Variants in EXT1 observed in about 807,000 individuals in gnomAD.
The protein encoded by EXT1 is exostosin-1.
In EXT1, 20 loss-of-function variants were observed where a neutral mutation model predicts 82.5. The observed-to-expected ratio is 0.24, with a 90% CI of 0.17 to 0.35. The LOEUF (loss-of-function observed/expected upper bound fraction) is 0.35. Ranked by LOEUF, EXT1 falls within the 10% of genes least tolerant of loss-of-function variation. EXT1 has a pLI of 1.00. For synonymous variants in EXT1, 348 were observed against 350.8 expected, an observed-to-expected ratio of 0.99 and a Z score of 0.09; for missense variants, 757 against 936.5, an observed-to-expected ratio of 0.81 and a Z score of 2.50.
rs1321480660 is a variant in EXT1 at position 117,837,294 on chromosome 8, G to A, written c.963-93C>T. 4.8e-6 allele frequency: 5 copies of A among 1,032,970 alleles called. No homozygotes were observed. The South Asian group carries it at 5.1e-5, about 10-fold the overall frequency. 64.0% of individuals were successfully genotyped at this position (1,032,970 alleles called of 1,614,324 possible). ...TGGGCGCCCATGTGCATGAATTTAC[G>A]CAAAGCAACTCGGGAAAGCCACCAG... On this transcript the variant is annotated intron_variant, in intron 1 of 10. Coordinates refer to ENST00000378204, the MANE Select transcript of EXT1 (RefSeq NM_000127.3).
chr8:117,983,164 A>G (rs1815243306), intron 1 of EXT1, among the ~76,000 whole-genome samples: 1 of 152,180 alleles, frequency 6.6e-6, no homozygotes. Flanking sequence ...AGAAGGAGTC[A>G]TGAATAACAG....
chr8:118,001,323 T>C (rs923723364), intron 1 of EXT1, among the ~76,000 whole-genome samples: 3 of 152,104 alleles, frequency 2.0e-5, no homozygotes, highest in Non-Finnish European at 4.4e-5. Flanking sequence ...TGCAGCTGGT[T>C]ACAGGCGTGT....
At chr8:117,802,201 A>G (rs907247470) in intron 10 of EXT1, among the ~76,000 whole-genome samples, 52 of 152,316 alleles carry the variant, frequency 3.4e-4, no homozygotes, top group African/African-American at 1.2e-3. Flanking sequence ...ATTACTAGAA[A>G]TACTGTTTGG....
chr8:117,803,283 C>T (rs1350442430), intron 10 of EXT1, among the ~76,000 whole-genome samples: 1 of 152,050 alleles, frequency 6.6e-6, no homozygotes, highest in African/African-American at 2.4e-5. Context: ...CAACCTCTGC[C>T]TTCCAGTTTC....
chr8:118,024,024 C>T (rs1163939326), intron 1 of EXT1, among the ~76,000 whole-genome samples: 1 of 152,214 alleles, frequency 6.6e-6, no homozygotes, highest in Non-Finnish European at 1.5e-5. Context: ...GTGGACATTG[C>T]TCACTTTCTC....
At chr8:117,954,659 G>A (rs1163160245) in intron 1 of EXT1, among the ~76,000 whole-genome samples, 1 of 152,048 alleles carries the variant, frequency 6.6e-6, no homozygotes, top group African/African-American at 2.4e-5. Context: ...CCCCATTACG[G>A]TTCTGCAAAC....
chr8:117,979,459 A>G (rs1429121781), intron 1 of EXT1, among the ~76,000 whole-genome samples: 1 of 152,088 alleles, frequency 6.6e-6, no homozygotes, highest in African/African-American at 2.4e-5. Flanking sequence ...TATTTTAATG[A>G]TTGTTTGGCA....
At chr8:118,067,584 T>C (rs907684823) in intron 1 of EXT1, among the ~76,000 whole-genome samples, 1 of 152,220 alleles carries the variant, frequency 6.6e-6, no homozygotes, top group Non-Finnish European at 1.5e-5. Flanking sequence ...CACACCAACG[T>C]GAAGCGGTTT....
At chr8:117,833,026 C>T (rs747649309) in intron 3 of EXT1, among the ~76,000 whole-genome samples, 1 of 151,938 alleles carries the variant, frequency 6.6e-6, no homozygotes, top group Non-Finnish European at 1.5e-5. Context: ...AGAATATATG[C>T]AAATAAAAAC....
intron 1 of EXT1, among the ~76,000 whole-genome samples, chr8:118,104,599 G>C (rs1817776798): frequency 6.6e-6 from 1 of 152,180 alleles, no homozygotes; most frequent in South Asian, 2.1e-4. Flanking sequence ...GGCTGAGAAG[G>C]ACTTGGCCTA....
intron 1 of EXT1, among the ~76,000 whole-genome samples, chr8:117,979,245 T>C (rs1815132128): frequency 6.6e-6 from 1 of 151,912 alleles, no homozygotes; most frequent in African/African-American, 2.4e-5. Context: ...TCCCAGCTAC[T>C]CGGGAGGCTG....
intron 1 of EXT1, among the ~76,000 whole-genome samples, chr8:117,979,520 C>T (rs576720079): frequency 3.7e-4 from 55 of 150,084 alleles, no homozygotes; most frequent in African/African-American, 1.2e-3. Flanking sequence ...TAACTCAAAA[C>T]GAAACATCAA....
At chr8:117,930,554 G>A (rs1391547653) in intron 1 of EXT1, among the ~76,000 whole-genome samples, 1 of 152,314 alleles carries the variant, frequency 6.6e-6, no homozygotes, top group East Asian at 1.9e-4. Flanking sequence ...AGTGATGTGG[G>A]AGAGGAGAAG....
intron 1 of EXT1, among the ~76,000 whole-genome samples, chr8:118,028,209 G>A (rs912365140): frequency 6.6e-6 from 1 of 152,210 alleles, no homozygotes; most frequent in African/African-American, 2.4e-5. Flanking sequence ...TGCGGCAGCC[G>A]CTCTCTTCCC....
At chr8:117,842,287 C>T (rs17474720) in intron 1 of EXT1, among the ~76,000 whole-genome samples, 4 of 152,082 alleles carry the variant, frequency 2.6e-5, no homozygotes, top group African/African-American at 4.8e-5. Context: ...GGGGATAATA[C>T]TTATACTGTG....
At chr8:117,997,244 A>AATATATATATATATATATAT (rs1563624581) in intron 1 of EXT1, among the ~76,000 whole-genome samples, 11 of 128,764 alleles carry the variant, frequency 8.5e-5, no homozygotes, top group African/African-American at 3.9e-4. Context: ...TAGTTGTCAT[A>AATATATATATATATATATAT]CTATATATAT....
chr8:118,108,235 G>A (rs1375505320), intron 1 of EXT1, among the ~76,000 whole-genome samples: 1 of 152,104 alleles, frequency 6.6e-6, no homozygotes. Flanking sequence ...TTGGATTAAG[G>A]GTATTTTCCA....
chr8:117,942,890 C>T (rs781391480), intron 1 of EXT1, among the ~76,000 whole-genome samples: 5 of 152,186 alleles, frequency 3.3e-5, no homozygotes, highest in East Asian at 1.9e-4. Flanking sequence ...AGCCCTGACA[C>T]GTAGCAGTCA....
rs1427879295 is a variant in EXT1 at position 117,818,497 on chromosome 8, G to C, written c.1570C>G (p.Pro524Ala). ...GTGGCAGGCCAGCGGTGTTTGGCTGGTAGGGGCTTGTCACAATTCCATAGA... is the reference window on the plus strand; with the variant it reads ...GTGGCAGGCCAGCGGTGTTTGGCTGCTAGGGGCTTGTCACAATTCCATAGA... ...IVLWNCDKPL[P>A]AKHRWPATAV... The change falls in exon 7 of 11, where the codon CCA becomes GCA. Residue 524 changes from proline (P) to alanine (A), a missense_variant. Transcript: ENST00000378204. 2 of 1,613,982 alleles carry C rather than the reference G, an allele frequency of 1.2e-6. No homozygotes were observed. Among genetic ancestry groups the C allele is most frequent in the African/African-American group, 2.7e-5 (2 of 74,912 alleles).
Sources: gnomAD v4.1 joint callset for allele counts (sites outside exome capture counted in the v4.1 genomes callset) on GRCh38, gnomAD v4.1.1 for gene constraint, MANE v1.5 for transcripts, NCBI Gene and HGNC (gene_info 2026-07-23, HGNC 2026-07-21) for gene names.